The following EFEMP1 variants were observed in gnomAD, a reference collection of about 807,000 sequenced individuals.
The protein encoded by EFEMP1 is EGF-containing fibulin-like extracellular matrix protein 1.
Under a neutral mutation model 65.7 loss-of-function variants are expected in EFEMP1, and 18 were observed. The observed-to-expected ratio is 0.27, with a 90% CI of 0.19 to 0.41. The LOEUF is 0.41. Ranked by LOEUF, EFEMP1 falls within the 10% of genes least tolerant of loss-of-function variation. The pLI is 1.00. For missense variants in EFEMP1, 469 were observed against 624.8 expected, an observed-to-expected ratio of 0.75 and a Z score of 2.66; for synonymous variants, 237 against 219.7, an observed-to-expected ratio of 1.08 and a Z score of -0.70.
At chr2:55,920,354 T>C (rs72811721) in intron 3 of EFEMP1, among the ~76,000 whole-genome samples, 3,692 of 152,358 alleles carry the variant, frequency 0.024, 124 homozygotes, top group South Asian at 0.18. Flanking sequence ...TTAGGAACTT[T>C]GTAGTTTTCA....
At chr2:55,869,508 T>A (rs1034560249) in intron 11 of EFEMP1, among the ~76,000 whole-genome samples, 1 of 152,140 alleles carries the variant, frequency 6.6e-6, no homozygotes, top group Non-Finnish European at 1.5e-5. Context: ...TTTTCAGAAG[T>A]TGGTCATGAG....
At chr2:55,874,316 TC>T (rs892072433) in intron 9 of EFEMP1, among the ~76,000 whole-genome samples, 3 of 151,598 alleles carry the variant, frequency 2.0e-5, no homozygotes, top group Non-Finnish European at 4.4e-5. Flanking sequence ...GGAGGTAGGG[TC>T]CTTTTTTTTT....
intron 11 of EFEMP1, among the ~76,000 whole-genome samples, chr2:55,868,179 C>T (rs767015030): frequency 5.3e-5 from 8 of 152,182 alleles, no homozygotes; most frequent in South Asian, 2.1e-4. Context: ...GGATCTTCCA[C>T]GGTGCATACC....
At chr2:55,906,529 C>G (rs1431294713) in intron 5 of EFEMP1, among the ~76,000 whole-genome samples, 1 of 148,544 alleles carries the variant, frequency 6.7e-6, no homozygotes, top group African/African-American at 2.5e-5. Flanking sequence ...CAGCCAAAAC[C>G]CTTCATCTTT....
At chr2:55,895,605 G>C (rs372837002) in intron 5 of EFEMP1, among the ~76,000 whole-genome samples, 5 of 150,722 alleles carry the variant, frequency 3.3e-5, no homozygotes. Context: ...GCAGTGGCGC[G>C]ATCTCGGCTC....
chr2:55,922,760 G>A lies in EFEMP1; in HGVS notation c.-8+139C>T. The A allele has an allele frequency of 1.7e-6, 1 of 595,206 alleles. No individual in the cohort carries two copies. The highest frequency in any genetic ancestry group is 2.5e-6 in the Non-Finnish European group (1 of 400,812). The allele number at this position is 595,206 out of a possible 1,614,324, so 36.9% of individuals were successfully genotyped here. On this transcript the variant is annotated intron_variant, in intron 2 of 11. Transcript: ENST00000355426. The surrounding 1 kb of genome is among the most constrained non-coding windows in gnomAD (Gnocchi z 5.5). ...CCTACAAAGCAGGCTGCAGAAAGAGGGGGTCGAAAGGAAAAAACAGTAATC... is the reference window on the plus strand; with the variant it reads ...CCTACAAAGCAGGCTGCAGAAAGAGAGGGTCGAAAGGAAAAAACAGTAATC...
intron 5 of EFEMP1, among the ~76,000 whole-genome samples, chr2:55,903,882 T>C (rs1163780641): frequency 1.3e-5 from 2 of 152,126 alleles, no homozygotes; most frequent in Non-Finnish European, 2.9e-5. Context: ...TTGATTGGTA[T>C]AGTCTTGTGA....
intron 9 of EFEMP1, 147 bp downstream of exon 9, chr2:55,874,799 A>T: frequency 3.8e-6 from 3 of 779,236 alleles, no homozygotes; most frequent in Non-Finnish European, 5.7e-6. Flanking sequence ...AGATGTATAT[A>T]TTTTATGATG....
chr2:55,904,627 C>T (rs775808137), intron 5 of EFEMP1, among the ~76,000 whole-genome samples: 14 of 152,190 alleles, frequency 9.2e-5, no homozygotes, highest in Non-Finnish European at 1.5e-5. Context: ...TCCATCTTCT[C>T]CTGCCCTTAA....
At chr2:55,896,148 A>G (rs1302142525) in intron 5 of EFEMP1, among the ~76,000 whole-genome samples, 2 of 152,254 alleles carry the variant, frequency 1.3e-5, no homozygotes, top group Non-Finnish European at 2.9e-5. Flanking sequence ...AAATTCTAGC[A>G]TGTTTATACT....
chr2:55,866,956 G>C lies in EFEMP1; in HGVS notation c.*117C>G. 14 of 1,299,470 alleles carry C rather than the reference G, an allele frequency of 1.1e-5. No homozygotes were observed. The highest frequency in any genetic ancestry group is 1.4e-5 in the Non-Finnish European group (13 of 912,784). The allele number at this position is 1,299,470 out of a possible 1,614,324, so 80.5% of individuals were successfully genotyped here. A position where few individuals can be genotyped will look rare whatever the true frequency, so the allele number is the denominator to read the frequency against. On this transcript the variant is annotated 3_prime_UTR_variant, in exon 12 of 12. Coordinates refer to ENST00000355426, the MANE Select transcript of EFEMP1 (RefSeq NM_001039348.3). ...CATGGTGTAATTGTTTGAATTATGG[G>C]TGAGTGTACAGTATAGAGATGTAGA...
At position 55,922,385 on chromosome 2, in the gene EFEMP1, T is replaced by C; in HGVS notation, c.56A>G (p.Asp19Gly). 1.2e-6 allele frequency: 2 copies of C among 1,613,998 alleles called. No individual in the cohort carries two copies. Among genetic ancestry groups the C allele is most frequent in the Non-Finnish European group, 1.7e-6 (2 of 1,179,880 alleles). ...MLTLALVKSQ[D>G]TEETITYTQC... ...CGTGTACGTGATGGTTTCTTCGGTG[T>C]CCTGTGACTTGACCAGCGCCAGAGT... Residue 19 changes from aspartate (D) to glycine (G), a missense_variant, in exon 3 of 12, where the codon GAC (aspartate) becomes GGC (glycine). Coordinates refer to ENST00000355426, the MANE Select transcript of EFEMP1 (RefSeq NM_001039348.3). This position sits in a 1 kb window ranked among gnomAD's most constrained non-coding sequence, Gnocchi z 5.5.
Position 55,922,499 on chromosome 2 carries a change from T to C in EFEMP1, c.-7-52A>G. Reference sequence around the variant, plus strand: ...TGTTTAGTATCTGCTGCGGGGAAAGTAACAAAACTTTAGCAGTGAGCACAA... The same window carrying C: ...TGTTTAGTATCTGCTGCGGGGAAAGCAACAAAACTTTAGCAGTGAGCACAA... On this transcript the variant is annotated intron_variant, in intron 2 of 11. Coordinates refer to ENST00000355426, the MANE Select transcript of EFEMP1 (RefSeq NM_001039348.3). The surrounding 1 kb of genome is among the most constrained non-coding windows in gnomAD (Gnocchi z 5.5). 1 of 1,543,658 alleles carries C rather than the reference T, an allele frequency of 6.5e-7. No homozygotes were observed. The highest frequency in any genetic ancestry group is 1.1e-5 in the South Asian group (1 of 89,414).
rs759260191 is a variant in EFEMP1, at chr2:55,876,724, G to A, written c.779C>T (p.Ala260Val). The A allele has an allele frequency of 6.2e-7, 1 of 1,607,440 alleles. No homozygotes were observed. The highest frequency in any genetic ancestry group is 8.5e-7 in the Non-Finnish European group (1 of 1,176,216). ...GCACTGCTGAGCACATTGATTGCTG[G>A]CATCACATTCATTTATATCTGAAAA... ...YTCVDINECDASNQCAQQCYN... is the reference protein window; with the variant it reads ...YTCVDINECDVSNQCAQQCYN... Residue 260 changes from alanine to valine, a missense_variant, in exon 8 of 12, where the codon GCC (alanine) becomes GTC (valine). Ala to Val is a moderately conservative substitution (Grantham distance 64, BLOSUM62 0). Transcript: ENST00000355426.
rs1178361258 is a variant in EFEMP1, at chr2:55,871,383, C to G, written c.1001-260G>C. Among the ~76,000 whole-genome samples the G allele has an allele frequency of 2.0e-5, 3 of 152,016 alleles. No homozygotes were observed. Among genetic ancestry groups the G allele is most frequent in the African/African-American group, 4.8e-5 (2 of 41,396 alleles). ...TATTGTTCATCTGTTGAATTCAAAC[C>G]CCAATGTTAACCACTGACTCTGCCT... On this transcript the variant is annotated intron_variant, in intron 9 of 11. Transcript: ENST00000355426. This position sits in a 1 kb window ranked among gnomAD's most constrained non-coding sequence, Gnocchi z 4.2.
intron 5 of EFEMP1, among the ~76,000 whole-genome samples, chr2:55,912,836 G>C (rs1373294669): frequency 6.6e-6 from 1 of 152,152 alleles, no homozygotes; most frequent in African/African-American, 2.4e-5. Context: ...TAATTTGGCT[G>C]TGTGGTGAAA....
At chr2:55,892,145 G>T (rs938706319) in intron 5 of EFEMP1, among the ~76,000 whole-genome samples, 1 of 152,046 alleles carries the variant, frequency 6.6e-6, no homozygotes, top group African/African-American at 2.4e-5. Flanking sequence ...AATTCTAAAG[G>T]CTTCTCAAAG....
intron 5 of EFEMP1, among the ~76,000 whole-genome samples, chr2:55,903,396 G>T (rs751105174): frequency 1.3e-5 from 2 of 152,224 alleles, no homozygotes; most frequent in African/African-American, 4.8e-5. Context: ...GAAAGTAGAA[G>T]ATGAAGAATC....
intron 5 of EFEMP1, among the ~76,000 whole-genome samples, chr2:55,892,623 T>C (rs571821939): frequency 6.6e-5 from 10 of 152,146 alleles, no homozygotes; most frequent in African/African-American, 9.7e-5. Context: ...TAAAGTTACA[T>C]ACTTGTCAAG....
Sources: gnomAD v4.1 joint callset for allele counts (sites outside exome capture counted in the v4.1 genomes callset) on GRCh38, gnomAD v4.1.1 for gene constraint, Gnocchi (gnomAD v3.1) non-coding constraint, MANE v1.5 for transcripts, NCBI Gene and HGNC (gene_info 2026-07-23, HGNC 2026-07-21) for gene names.